FSHR: variants seen among roughly 807,000 people sequenced by gnomAD.
The protein encoded by FSHR is follicle stimulating hormone receptor, also known as follicle-stimulating hormone receptor.
A neutral mutation model predicts 52.1 loss-of-function variants in FSHR; 46 were observed. The observed-to-expected ratio is 0.88, with a 90% CI of 0.70 to 1.13. The LOEUF (loss-of-function observed/expected upper bound fraction) is 1.13. Among genes scored for constraint, FSHR ranks in the 50% most tolerant of loss-of-function variants. FSHR has a pLI of 0.00. For synonymous variants in FSHR, 399 were observed against 309.6 expected, an observed-to-expected ratio of 1.29 and a Z score of -3.03; for missense variants, 964 against 834.6, an observed-to-expected ratio of 1.16 and a Z score of -1.91.
intron 8 of FSHR, among the ~76,000 whole-genome samples, chr2:48,974,235 G>C (rs1674874330): frequency 6.6e-6 from 1 of 152,220 alleles, no homozygotes; most frequent in African/African-American, 2.4e-5. Flanking sequence ...CCAACAAGAA[G>C]ACAGACATGC....
In FSHR at chr2:49,101,561, A is replaced by G. The variant is rs533714273; in HGVS notation, c.153-33271T>C. 7.9e-5 allele frequency among the ~76,000 whole-genome samples: 12 copies of G among 152,286 alleles called. No homozygotes were observed. In the South Asian group the frequency reaches 1.5e-3, roughly 18 times the overall value. On this transcript the variant is annotated intron_variant, in intron 1 of 9. Transcript: ENST00000406846. ...TTTCTAAATTACAAAGAAGGCAAGAACATTTACTCCAAGTGTGGGGGTATG... is the reference window on the plus strand; with the variant it reads ...TTTCTAAATTACAAAGAAGGCAAGAGCATTTACTCCAAGTGTGGGGGTATG...
intron 1 of FSHR, among the ~76,000 whole-genome samples, chr2:49,129,180 C>T (rs190891256): frequency 1.1e-4 from 17 of 152,238 alleles, no homozygotes; most frequent in Non-Finnish European, 1.9e-4. Flanking sequence ...CTGCCTTCCA[C>T]TGAATTGCTC....
At chr2:49,047,890 A>AT (rs1172689680) in intron 2 of FSHR, among the ~76,000 whole-genome samples, 1 of 152,070 alleles carries the variant, frequency 6.6e-6, no homozygotes, top group African/African-American at 2.4e-5. Context: ...ATTTATTATT[A>AT]TTTTTTGAGA....
chr2:49,096,147 C>T (rs1321759453), intron 1 of FSHR, among the ~76,000 whole-genome samples: 1 of 152,120 alleles, frequency 6.6e-6, no homozygotes, highest in Non-Finnish European at 1.5e-5. Context: ...AAACATGCAT[C>T]CATACAAAAA....
chr2:49,102,849 G>C (rs201274866), intron 1 of FSHR, among the ~76,000 whole-genome samples: 1 of 118,224 alleles, frequency 8.5e-6, no homozygotes, highest in African/African-American at 3.4e-5. Flanking sequence ...TTTCTGCCAC[G>C]GTTTGTTATT....
At chr2:49,087,424 T>C (rs987785143) in intron 1 of FSHR, among the ~76,000 whole-genome samples, 10 of 152,180 alleles carry the variant, frequency 6.6e-5, no homozygotes, top group Non-Finnish European at 1.5e-4. Context: ...CATTCACTTG[T>C]TCTTTTGACA....
At chr2:49,141,946 C>A (rs755623431) in intron 1 of FSHR, among the ~76,000 whole-genome samples, 3 of 152,106 alleles carry the variant, frequency 2.0e-5, no homozygotes. Context: ...TTTTAGTTTC[C>A]TTATTTCCAA....
rs144181059 is a variant in FSHR at position 49,107,494 on chromosome 2, T to A, written c.153-39204A>T. ...GGCTCTATATTTCACTCATCTTGTGTCTTAAAAATTACAGGTGTTTAATGA... is the reference window on the plus strand; with the variant it reads ...GGCTCTATATTTCACTCATCTTGTGACTTAAAAATTACAGGTGTTTAATGA... On this transcript the variant is annotated intron_variant, in intron 1 of 9. Transcript: ENST00000406846. Among the ~76,000 whole-genome samples, 396 of 152,248 alleles carry A rather than the reference T, an allele frequency of 2.6e-3. 3 individuals are homozygous for A. Among genetic ancestry groups the A allele is most frequent in the African/African-American group, 8.7e-3 (362 of 41,552 alleles).
At chr2:48,975,637 G>A (rs1674953250) in intron 8 of FSHR, among the ~76,000 whole-genome samples, 1 of 152,030 alleles carries the variant, frequency 6.6e-6, no homozygotes, top group East Asian at 1.9e-4. Flanking sequence ...ATGTCCCTAA[G>A]AAATCTCCTC....
At chr2:49,089,136 A>G (rs1230726868) in intron 1 of FSHR, among the ~76,000 whole-genome samples, 1 of 149,594 alleles carries the variant, frequency 6.7e-6, no homozygotes, top group African/African-American at 2.5e-5. Flanking sequence ...AGTTTGAGGA[A>G]TGATTTATTT....
intron 8 of FSHR, among the ~76,000 whole-genome samples, chr2:48,975,248 C>A (rs1288310020): frequency 1.3e-5 from 2 of 152,078 alleles, no homozygotes; most frequent in Non-Finnish European, 2.9e-5. Context: ...CATCAGAACT[C>A]CAGGTTCTCA....
At chr2:49,096,009 T>C (rs72879842) in intron 1 of FSHR, among the ~76,000 whole-genome samples, 5,936 of 152,238 alleles carry the variant, frequency 0.039, 366 homozygotes, top group African/African-American at 0.14. Flanking sequence ...TGCTCTCACA[T>C]TGGTAGTAGA....
rs1338069601 is a variant in FSHR, at chr2:48,975,958, C to G, written c.668+6954G>C. Among the ~76,000 whole-genome samples, 8 of 152,296 alleles carry G rather than the reference C, an allele frequency of 5.3e-5. No individual in the cohort carries two copies. In the South Asian group the frequency reaches 1.7e-3, roughly 32 times the overall value. The stretch of plus-strand genomic sequence containing the variant: ...ACGGACAATCTGACTTCCTCTCTTC[C>G]TATTTGAATACCTTTTATTTCTTTC... On this transcript the variant is annotated intron_variant, in intron 8 of 9. Transcript: ENST00000406846.
chr2:49,021,886 TAGAGAG>T (rs58926557), intron 2 of FSHR, among the ~76,000 whole-genome samples: 346 of 25,046 alleles, frequency 0.014, 5 homozygotes, highest in African/African-American at 0.047. Flanking sequence ...TATATATATA[TAGAGAG>T]AGAGAGAGAG....
intron 1 of FSHR, among the ~76,000 whole-genome samples, chr2:49,090,192 C>G (rs1026625787): frequency 1.3e-5 from 2 of 151,228 alleles, no homozygotes; most frequent in African/African-American, 2.4e-5. Context: ...TGAACATGTG[C>G]ATAGATTCAT....
chr2:49,035,540 T>C (rs1668243982), intron 2 of FSHR, among the ~76,000 whole-genome samples: 1 of 152,166 alleles, frequency 6.6e-6, no homozygotes, highest in Admixed American at 6.5e-5. Context: ...CCACTCCAGC[T>C]TCCCTAAGTG....
chr2:49,054,696 C>T lies in FSHR; in HGVS notation c.224+13523G>A, dbSNP rs114557936. 4.4e-3 allele frequency among the ~76,000 whole-genome samples: 663 copies of T among 152,308 alleles called. 8 individuals carry two copies. Among genetic ancestry groups the T allele is most frequent in the African/African-American group, 0.015 (616 of 41,560 alleles). On this transcript the variant is annotated intron_variant, in intron 2 of 9. Transcript: ENST00000406846. ...GTGACCTGACAGACAGTCTAGCAAG[C>T]CCACCCCTAGTAAAGCCACAGCACA...
chr2:49,013,518 A>T (rs1223539231), intron 4 of FSHR, among the ~76,000 whole-genome samples: 1 of 142,822 alleles, frequency 7.0e-6, no homozygotes, highest in East Asian at 2.0e-4. Flanking sequence ...ATATATATAA[A>T]TATATATAAA....
At chr2:49,055,261 T>G (rs1669013073) in intron 2 of FSHR, among the ~76,000 whole-genome samples, 1 of 151,228 alleles carries the variant, frequency 6.6e-6, no homozygotes, top group South Asian at 2.1e-4. Context: ...AGCTGAGAGC[T>G]TCAACAACAG....
Sources: gnomAD v4.1 joint callset for allele counts (sites outside exome capture counted in the v4.1 genomes callset) on GRCh38, gnomAD v4.1.1 for gene constraint, MANE v1.5 for transcripts, NCBI Gene and HGNC (gene_info 2026-07-23, HGNC 2026-07-21) for gene names.